The following NME7 variants were observed in gnomAD, a reference collection of about 807,000 sequenced individuals.
NME7 encodes the protein NME/NM23 family member 7.
Under a neutral mutation model 49.1 loss-of-function variants are expected in NME7, and 41 were observed. That is an observed-to-expected ratio of 0.83 (90% CI 0.65 to 1.08). The LOEUF (loss-of-function observed/expected upper bound fraction) is 1.08. Ranked by LOEUF, NME7 falls within the 50% of genes least tolerant of loss-of-function variation. The probability of loss-of-function intolerance (pLI) is 0.00; values close to 1 mark genes in which losing one functional copy is unlikely to be tolerated. For synonymous variants in NME7, 139 were observed against 150.6 expected (o/e 0.92, Z 0.56); for missense variants, 423 against 463.4 (o/e 0.91, Z 0.80).
intron 1 of NME7, among the ~76,000 whole-genome samples, chr1:169,367,400 T>C (rs1168198608): frequency 6.6e-6 from 1 of 152,194 alleles, no homozygotes; most frequent in Non-Finnish European, 1.5e-5. Context: ...TCTGTGAACA[T>C]GAAAAATGCC....
chr1:169,238,271 G>A (rs1250829065), intron 7 of NME7, among the ~76,000 whole-genome samples: 1 of 151,874 alleles, frequency 6.6e-6, no homozygotes, highest in Non-Finnish European at 1.5e-5. Flanking sequence ...AAAAGGAAAA[G>A]AGATTGAATT....
chr1:169,249,151 T>C (rs1327740410), intron 7 of NME7, among the ~76,000 whole-genome samples: 1 of 152,142 alleles, frequency 6.6e-6, no homozygotes, highest in Admixed American at 6.6e-5. Flanking sequence ...GTGTCATCTA[T>C]GATTTCTATC....
At chr1:169,232,159 A>G (rs1195122918) in intron 9 of NME7, among the ~76,000 whole-genome samples, 1 of 152,196 alleles carries the variant, frequency 6.6e-6, no homozygotes, top group Non-Finnish European at 1.5e-5. Context: ...GTCTAGAGAT[A>G]TAATCTAAGA....
chr1:169,347,661 C>T (rs187677421), intron 1 of NME7, among the ~76,000 whole-genome samples: 2 of 152,282 alleles, frequency 1.3e-5, no homozygotes, highest in East Asian at 3.9e-4. Flanking sequence ...ATGGCATAGA[C>T]GAGCAGTATC....
intron 7 of NME7, among the ~76,000 whole-genome samples, chr1:169,280,807 T>C (rs1386412024): frequency 1.4e-5 from 2 of 139,776 alleles, no homozygotes; most frequent in Admixed American, 7.3e-5. Flanking sequence ...CTGTTCCTTT[T>C]GTCTACATAT....
chr1:169,179,739 A>G (rs142696261), intron 10 of NME7, among the ~76,000 whole-genome samples: 1 of 152,198 alleles, frequency 6.6e-6, no homozygotes, highest in African/African-American at 2.4e-5. Flanking sequence ...TCTCATTTAT[A>G]AGTGAGAGCT....
chr1:169,240,189 A>T (rs1302200918), intron 7 of NME7, among the ~76,000 whole-genome samples: 2 of 151,942 alleles, frequency 1.3e-5, no homozygotes, highest in Non-Finnish European at 2.9e-5. Flanking sequence ...TATAACAAAA[A>T]TCCTTTAAAT....
At chr1:169,346,579 C>T (rs1571408898) in intron 1 of NME7, among the ~76,000 whole-genome samples, 1 of 152,342 alleles carries the variant, frequency 6.6e-6, no homozygotes, top group East Asian at 1.9e-4. Flanking sequence ...GTACCCCCAA[C>T]ATTCATTACC....
intron 3 of NME7, among the ~76,000 whole-genome samples, chr1:169,319,038 A>G: frequency 6.8e-6 from 1 of 146,862 alleles, no homozygotes; most frequent in East Asian, 1.9e-4. Flanking sequence ...ATTTAATTTT[A>G]ATTTTAATTT....
intron 7 of NME7, chr1:169,287,023 G>A: frequency 3.4e-6 from 1 of 297,834 alleles, no homozygotes; most frequent in Non-Finnish European, 6.1e-6. Flanking sequence ...AAAGAGAGAA[G>A]GCAGACTAAA....
chr1:169,214,992 G>A (rs1230230056), intron 10 of NME7, among the ~76,000 whole-genome samples: 1 of 152,258 alleles, frequency 6.6e-6, no homozygotes, highest in Non-Finnish European at 1.5e-5. Flanking sequence ...GCCTTTTTGG[G>A]TATTCACACT....
intron 1 of NME7, among the ~76,000 whole-genome samples, chr1:169,347,469 T>C (rs547931839): frequency 2.6e-5 from 4 of 152,066 alleles, no homozygotes; most frequent in Non-Finnish European, 4.4e-5. Context: ...GATTTGAAGG[T>C]AGAGTATGAG....
At chr1:169,308,714 C>T (rs1558033113) in intron 4 of NME7, among the ~76,000 whole-genome samples, 1 of 151,938 alleles carries the variant, frequency 6.6e-6, no homozygotes, top group Non-Finnish European at 1.5e-5. Flanking sequence ...TTTGTTTGTA[C>T]GTTGTTAATA....
chr1:169,235,267 C>T, intron 8 of NME7, 68 bp from the exon 9 acceptor site: 1 of 734,340 alleles, frequency 1.4e-6, no homozygotes, highest in Non-Finnish European at 2.2e-6. Context: ...ATAAGCCACA[C>T]TTAGCACTTA....
At chr1:169,208,205 T>C (rs1286035736) in intron 10 of NME7, among the ~76,000 whole-genome samples, 1 of 152,182 alleles carries the variant, frequency 6.6e-6, no homozygotes, top group Non-Finnish European at 1.5e-5. Context: ...TTATAAGACT[T>C]TATTGCAATT....
At chr1:169,202,512 T>G (rs1300773343) in intron 10 of NME7, among the ~76,000 whole-genome samples, 2 of 152,174 alleles carry the variant, frequency 1.3e-5, no homozygotes, top group African/African-American at 4.8e-5. Flanking sequence ...TTCTTTATAG[T>G]AATGTAAGAA....
intron 1 of NME7, among the ~76,000 whole-genome samples, chr1:169,360,256 A>G (rs1190353568): frequency 1.3e-5 from 2 of 152,210 alleles, no homozygotes; most frequent in Non-Finnish European, 2.9e-5. Context: ...TGAAATGGCA[A>G]CTATAAGGGA....
chr1:169,198,434 T>A (rs976673243), intron 10 of NME7, among the ~76,000 whole-genome samples: 1 of 152,112 alleles, frequency 6.6e-6, no homozygotes, highest in Non-Finnish European at 1.5e-5. Context: ...TCAGTCATAA[T>A]AGCCAAAAGA....
At chr1:169,297,551 G>T (rs1255317048) in intron 6 of NME7, among the ~76,000 whole-genome samples, 1 of 152,108 alleles carries the variant, frequency 6.6e-6, no homozygotes, top group Non-Finnish European at 1.5e-5. Context: ...GGAATAGCGA[G>T]ATGGTTAGTG....
Sources: allele counts gnomAD v4.1 joint callset (sites outside exome capture counted in the v4.1 genomes callset), GRCh38; gene constraint gnomAD v4.1.1; transcripts MANE v1.5; gene names NCBI Gene and HGNC (gene_info 2026-07-23, HGNC 2026-07-21).